Variants in FHIT observed in about 807,000 individuals in gnomAD.
The protein encoded by FHIT is bis(5'-adenosyl)-triphosphatase.
Under a neutral mutation model 17.9 loss-of-function variants are expected in FHIT, and 19 were observed. The ratio of observed to expected loss-of-function variants is 1.06; its 90% CI spans 0.74 to 1.56. The LOEUF is 1.56. FHIT is among the 40% of genes most tolerant of loss of function. The probability of loss-of-function intolerance (pLI) is 0.00; values close to 1 mark genes in which losing one functional copy is unlikely to be tolerated. For synonymous variants in FHIT, 81 were observed against 69.7 expected (o/e 1.16, Z -0.81); for missense variants, 248 against 189.2 (o/e 1.31, Z -1.82).
chr3:60,725,071 T>G (rs1336970213), intron 4 of FHIT, among the ~76,000 whole-genome samples: 2 of 152,200 alleles, frequency 1.3e-5, no homozygotes, highest in African/African-American at 4.8e-5. Context: ...TATTAGCCAT[T>G]TGCATATCTT....
intron 4 of FHIT, among the ~76,000 whole-genome samples, chr3:60,644,187 C>T (rs1262295131): frequency 1.3e-5 from 2 of 152,186 alleles, no homozygotes; most frequent in Non-Finnish European, 2.9e-5. Context: ...TAGACAGGTA[C>T]TACAAGACTG....
intron 2 of FHIT, among the ~76,000 whole-genome samples, chr3:61,043,485 C>G (rs368323396): frequency 4.8e-4 from 73 of 152,294 alleles, no homozygotes; most frequent in African/African-American, 1.7e-3. Context: ...GAAACTCAAA[C>G]TGGGTGGAGC....
chr3:60,056,304 T>C (rs1378697829), intron 5 of FHIT, among the ~76,000 whole-genome samples: 1 of 151,950 alleles, frequency 6.6e-6, no homozygotes, highest in East Asian at 1.9e-4. Context: ...TTGCTTCTGG[T>C]TCTATTACTT....
At chr3:61,235,388 A>C (rs2040205365) in intron 1 of FHIT, among the ~76,000 whole-genome samples, 1 of 152,158 alleles carries the variant, frequency 6.6e-6, no homozygotes. Flanking sequence ...AAATCTACAT[A>C]AAGATCTTAG....
chr3:61,135,682 CCTGT>C (rs143843177), intron 2 of FHIT, among the ~76,000 whole-genome samples: 4 of 152,098 alleles, frequency 2.6e-5, no homozygotes, highest in East Asian at 3.9e-4. Flanking sequence ...ATTTATCTTC[CCTGT>C]CTATTTCTTC....
In FHIT at chr3:60,558,062, G is replaced by A. The variant is rs550388257; in HGVS notation, c.-17-21083C>T. Among the ~76,000 whole-genome samples, 336 of 152,030 alleles carry A rather than the reference G, an allele frequency of 2.2e-3. 4 individuals are homozygous for A. The highest frequency in any genetic ancestry group is 3.3e-3 in the Non-Finnish European group (223 of 67,970). Reference sequence around the variant, plus strand: ...GTGATCTTGTTTAGAAGACCCCTACGCCAAGAGTCCTGCCGGGACAGAGTT... The same window carrying A: ...GTGATCTTGTTTAGAAGACCCCTACACCAAGAGTCCTGCCGGGACAGAGTT... On this transcript the variant is annotated intron_variant, in intron 4 of 9. Transcript: ENST00000492590.
chr3:59,884,461 C>T (rs73100663), intron 8 of FHIT, among the ~76,000 whole-genome samples: 5,957 of 152,170 alleles, frequency 0.039, 127 homozygotes, highest in African/African-American at 0.064. Flanking sequence ...TTGTGTATCT[C>T]AGCAAAAACT....
chr3:60,335,969 G>C (rs149894018), intron 5 of FHIT, among the ~76,000 whole-genome samples: 169 of 152,280 alleles, frequency 1.1e-3, no homozygotes, highest in African/African-American at 3.9e-3. Context: ...TATTCTGACA[G>C]ATCTGACAGA....
chr3:60,538,299 C>T (rs571684577), intron 4 of FHIT, among the ~76,000 whole-genome samples: 1 of 152,294 alleles, frequency 6.6e-6, no homozygotes, highest in African/African-American at 2.4e-5. Context: ...AGGACACAAA[C>T]AAATGGAAGA....
chr3:60,878,591 T>A (rs1256853894), intron 3 of FHIT, among the ~76,000 whole-genome samples: 3 of 152,238 alleles, frequency 2.0e-5, no homozygotes, highest in East Asian at 1.9e-4. Context: ...GCGGCACCCA[T>A]TAACTCGTCA....
At chr3:60,382,503 A>C (rs1700843755) in intron 5 of FHIT, among the ~76,000 whole-genome samples, 1 of 152,204 alleles carries the variant, frequency 6.6e-6, no homozygotes, top group South Asian at 2.1e-4. Context: ...TTAAACCAGA[A>C]AACTTGTATG....
rs545647892 is a variant in FHIT, at chr3:61,241,982, G to A, written c.-213+9319C>T. ...TGGAGTGAACAGACCAGAAAAGTAAGGCCACTACATTGTGAAATAACCTCC... is the reference window on the plus strand; with the variant it reads ...TGGAGTGAACAGACCAGAAAAGTAAAGCCACTACATTGTGAAATAACCTCC... On this transcript the variant is annotated intron_variant, in intron 1 of 9. Transcript: ENST00000492590. Among the ~76,000 whole-genome samples the A allele has an allele frequency of 7.2e-5, 11 of 152,220 alleles. 1 individual carries two copies. In the East Asian group the frequency reaches 2.1e-3, roughly 29 times the overall value.
At chr3:60,448,538 G>A (rs142558326) in intron 5 of FHIT, among the ~76,000 whole-genome samples, 6 of 152,172 alleles carry the variant, frequency 3.9e-5, no homozygotes, top group South Asian at 2.1e-4. Context: ...TCATTCTTAC[G>A]GATAAGGAAA....
At chr3:60,067,148 G>A (rs1194180925) in intron 5 of FHIT, among the ~76,000 whole-genome samples, 1 of 152,134 alleles carries the variant, frequency 6.6e-6, no homozygotes, top group Non-Finnish European at 1.5e-5. Context: ...ATGAACATGA[G>A]TCTCTATTCC....
intron 5 of FHIT, among the ~76,000 whole-genome samples, chr3:60,190,750 A>T (rs1702366084): frequency 6.6e-6 from 1 of 152,042 alleles, no homozygotes; most frequent in African/African-American, 2.4e-5. Flanking sequence ...TGTACCCTAA[A>T]ACTTAAAGTA....
chr3:59,927,471 A>AAAAAAC lies in FHIT; in HGVS notation c.280-5058_280-5057insGTTTTT, dbSNP rs1553718411. ...TCAATAAAGCTATTACTTAAAAAAA[A>AAAAAAC]AAAAAAAAACTGAAGGCCGGGTGCT... On this transcript the variant is annotated intron_variant, in intron 7 of 9. Transcript: ENST00000492590. 6.2e-4 allele frequency among the ~76,000 whole-genome samples: 91 copies of AAAAAAC among 146,586 alleles called. 3 individuals are homozygous for AAAAAAC. The highest frequency in any genetic ancestry group is 2.4e-3 in the African/African-American group (90 of 36,968).
intron 5 of FHIT, among the ~76,000 whole-genome samples, chr3:60,148,423 C>G (rs534318447): frequency 7.9e-5 from 12 of 152,300 alleles, no homozygotes; most frequent in Non-Finnish European, 7.4e-5. Context: ...TTGGGAGAAT[C>G]TGTATAGTAT....
chr3:60,942,180 C>T (rs1195456762), intron 3 of FHIT, among the ~76,000 whole-genome samples: 3 of 152,182 alleles, frequency 2.0e-5, no homozygotes, highest in African/African-American at 7.2e-5. Context: ...GACAAGGTTT[C>T]ACCATGTTGG....
At chr3:60,327,876 C>A (rs6446121) in intron 5 of FHIT, among the ~76,000 whole-genome samples, 1 of 151,898 alleles carries the variant, frequency 6.6e-6, no homozygotes, top group African/African-American at 2.4e-5. Context: ...GGCTGGCAGG[C>A]GAAGGAAACA....
Sources: gnomAD v4.1 joint callset for allele counts (sites outside exome capture counted in the v4.1 genomes callset) on GRCh38, gnomAD v4.1.1 for gene constraint, MANE v1.5 for transcripts, NCBI Gene and HGNC (gene_info 2026-07-23, HGNC 2026-07-21) for gene names.